Variants in ARMC2 observed in about 807,000 individuals in gnomAD.
ARMC2 encodes armadillo repeat containing 2, also known as armadillo repeat-containing protein 2.
ARMC2 carries 67 observed loss-of-function variants against 90.3 expected under a neutral mutation model. The observed-to-expected ratio is 0.74, with a 90% CI of 0.61 to 0.91. The LOEUF (loss-of-function observed/expected upper bound fraction) is 0.91, where lower values mean the gene tolerates loss of function less well. Among genes scored for constraint, ARMC2 ranks in the 40% least tolerant of loss-of-function variants. The probability of loss-of-function intolerance (pLI) is 0.00; values close to 1 mark genes in which losing one functional copy is unlikely to be tolerated. For missense variants in ARMC2, 920 were observed against 1,030.9 expected, an observed-to-expected ratio of 0.89 and a Z score of 1.47; for synonymous variants, 393 against 393.0, an observed-to-expected ratio of 1.00 and a Z score of 0.00.
At chr6:108,981,868 T>G in the ARMC2 span, among the ~76,000 whole-genome samples, 2 of 152,128 alleles carry the variant, frequency 1.3e-5, no homozygotes, top group Non-Finnish European at 2.9e-5. Flanking sequence ...GGTTTCACCA[T>G]GTTGGCCAGG....
At chr6:108,977,358 A>G (rs1054061942), downstream of ARMC2, among the ~76,000 whole-genome samples, 6 of 152,192 alleles carry the variant, frequency 3.9e-5, no homozygotes, top group African/African-American at 9.6e-5. Flanking sequence ...CAACTTGATC[A>G]TGGTGGATAA....
At chr6:109,032,884 TA>T in the ARMC2 span, among the ~76,000 whole-genome samples, 1 of 152,070 alleles carries the variant, frequency 6.6e-6, no homozygotes, top group South Asian at 2.1e-4. Context: ...TTTCTTCTGC[TA>T]AAAGGGAAGA....
the ARMC2 span, among the ~76,000 whole-genome samples, chr6:109,012,197 G>C: frequency 1.3e-5 from 2 of 151,768 alleles, no homozygotes; most frequent in Admixed American, 6.6e-5. Context: ...GTACAGGCCA[G>C]AGCTACCTTA....
the ARMC2 span, among the ~76,000 whole-genome samples, chr6:109,023,211 C>A: frequency 2.0e-5 from 3 of 152,190 alleles, no homozygotes; most frequent in Non-Finnish European, 2.9e-5. Context: ...TTCTTGATTC[C>A]ATTTATCTAC....
chr6:109,000,805 G>A, the ARMC2 span: 1 of 665,556 alleles, frequency 1.5e-6, no homozygotes, highest in Non-Finnish European at 2.2e-6. Context: ...CTACAGAAAT[G>A]CAGTTTTTAT....
chr6:108,895,482 C>CAA (rs58785510), intron 6 of ARMC2, among the ~76,000 whole-genome samples: 3,649 of 99,564 alleles, frequency 0.037, 283 homozygotes, highest in African/African-American at 0.14. Flanking sequence ...AGACTCATCT[C>CAA]AAAAAAAAAA....
In ARMC2 at chr6:108,876,279, C is replaced by T. The variant is rs750445235; in HGVS notation, c.600C>T (p.Gly200=). The change falls in exon 5 of 18, where the codon GGC becomes GGT. Residue 200 remains glycine, a synonymous_variant. Coordinates refer to ENST00000392644, the MANE Select transcript of ARMC2 (RefSeq NM_032131.6). ...SHPLQLTDDG[G]FSEIKEQEMF... ...CACTTCAGCTAACTGATGATGGAGG[C>T]TTCAGTGAAATAAAGGAGCAAGAAA... The T allele has an allele frequency of 5.0e-6, 8 of 1,612,846 alleles. No individual in the cohort carries two copies. Among genetic ancestry groups the T allele is most frequent in the Non-Finnish European group, 5.9e-6 (7 of 1,179,578 alleles).
At chr6:108,994,004 G>C in the ARMC2 span, among the ~76,000 whole-genome samples, 1 of 151,910 alleles carries the variant, frequency 6.6e-6, no homozygotes, top group Non-Finnish European at 1.5e-5. Flanking sequence ...AGCAGGCATG[G>C]TGGCATGTGT....
the ARMC2 span, among the ~76,000 whole-genome samples, chr6:108,990,318 T>C: frequency 7.4e-4 from 112 of 152,304 alleles, no homozygotes; most frequent in Non-Finnish European, 1.3e-3. Flanking sequence ...TATCAAGAGA[T>C]AGATTATATG....
the ARMC2 span, among the ~76,000 whole-genome samples, chr6:109,014,369 T>C: frequency 6.6e-6 from 1 of 152,212 alleles, no homozygotes; most frequent in Admixed American, 6.5e-5. Flanking sequence ...TTTTACAAAT[T>C]TGTGACATAG....
At chr6:108,939,120 A>G (rs1776226748) in intron 12 of ARMC2, among the ~76,000 whole-genome samples, 1 of 152,220 alleles carries the variant, frequency 6.6e-6, no homozygotes, top group Non-Finnish European at 1.5e-5. Context: ...CGCCCAGCCT[A>G]AAAATCCTAA....
In ARMC2 at chr6:108,856,278, G is replaced by A. The variant is rs1184654952; in HGVS notation, c.218+1793G>A. ...TTTGTTTTTGTTTTTGTTTTTGCAT[G>A]TAGATGCTAGATGTCCAGTTGTCCC... On this transcript the variant is annotated intron_variant, in intron 2 of 17. Transcript: ENST00000392644. 5.3e-5 allele frequency: 8 copies of A among 151,800 alleles called. No homozygotes were observed. In the East Asian group the frequency reaches 7.7e-4, roughly 15 times the overall value. The allele number at this position is 151,800 out of a possible 1,614,324, so 9.4% of individuals were successfully genotyped here.
At chr6:108,934,164 G>A (rs1169269228) in intron 11 of ARMC2, among the ~76,000 whole-genome samples, 1 of 152,104 alleles carries the variant, frequency 6.6e-6, no homozygotes, top group African/African-American at 2.4e-5. Context: ...CCTGGCATCA[G>A]TACCTAGTTT....
At position 108,878,898 on chromosome 6, in the gene ARMC2, C is replaced by T. The variant is rs536416894; in HGVS notation, c.671+2548C>T. ...TGTATTCTCCATCCATCCATCCACCCATTCACCCATCTACCTATCCAGCCA... is the reference window on the plus strand; with the variant it reads ...TGTATTCTCCATCCATCCATCCACCTATTCACCCATCTACCTATCCAGCCA... On this transcript the variant is annotated intron_variant, in intron 5 of 17. Coordinates refer to ENST00000392644, the MANE Select transcript of ARMC2 (RefSeq NM_032131.6). Among the ~76,000 whole-genome samples, 15 of 152,158 alleles carry T rather than the reference C, an allele frequency of 9.9e-5. 1 individual carries two copies. The highest frequency in any genetic ancestry group is 3.6e-4 in the African/African-American group (15 of 41,512).
rs36025894 is a variant in ARMC2, at chr6:108,864,997, A to ATTT, written c.292-3810_292-3808dup. On this transcript the variant is annotated intron_variant, in intron 3 of 17. Transcript: ENST00000392644. ...TGAGGTAGTTAATATTCTCAAGTGA[A>ATTT]TTTTTTTTTTTTTTTTTTTGAGACA... Among the ~76,000 whole-genome samples, 55 of 132,802 alleles carry ATTT rather than the reference A, an allele frequency of 4.1e-4. 1 individual carries two copies. The South Asian group carries it at 5.1e-3, about 12-fold the overall frequency. The allele number at this position is 132,802 out of a possible 152,430, so 87.1% of individuals were successfully genotyped here.
intron 10 of ARMC2, among the ~76,000 whole-genome samples, chr6:108,918,075 C>A (rs1430522177): frequency 1.3e-5 from 2 of 151,988 alleles, no homozygotes; most frequent in South Asian, 2.1e-4. Flanking sequence ...CAGGTAAGAT[C>A]AAAAATACAG....
At chr6:108,926,509 G>A (rs1162519740) in intron 10 of ARMC2, among the ~76,000 whole-genome samples, 1 of 152,198 alleles carries the variant, frequency 6.6e-6, no homozygotes, top group Admixed American at 6.5e-5. Flanking sequence ...TGGATCACTT[G>A]AGGCCAGGAG....
intron 6 of ARMC2, among the ~76,000 whole-genome samples, 171 bp from the exon 7 acceptor site, chr6:108,899,523 T>C (rs1449973435): frequency 6.6e-6 from 1 of 152,208 alleles, no homozygotes; most frequent in African/African-American, 2.4e-5. Context: ...TTTGGGGTAA[T>C]TTGATTAGAA....
intron 12 of ARMC2, among the ~76,000 whole-genome samples, chr6:108,949,528 A>C (rs1777034411): frequency 6.6e-6 from 1 of 152,238 alleles, no homozygotes; most frequent in African/African-American, 2.4e-5. Flanking sequence ...AAGTTCACAC[A>C]AAAATTCTGT....
Sources: allele counts gnomAD v4.1 joint callset (sites outside exome capture counted in the v4.1 genomes callset), GRCh38; gene constraint gnomAD v4.1.1; transcripts MANE v1.5; gene names NCBI Gene and HGNC (gene_info 2026-07-23, HGNC 2026-07-21).